Variants in ADAMTS6 observed in about 807,000 individuals in gnomAD.
The protein encoded by ADAMTS6 is A disintegrin and metalloproteinase with thrombospondin motifs 6.
In ADAMTS6, 23 loss-of-function variants were observed where a neutral mutation model predicts 144.3. That is an observed-to-expected ratio of 0.16 (90% CI 0.11 to 0.23). The LOEUF (loss-of-function observed/expected upper bound fraction) is 0.23, where lower values mean the gene tolerates loss of function less well. ADAMTS6 is among the 10% of genes least tolerant of loss of function. ADAMTS6 has a pLI of 1.00. For synonymous variants in ADAMTS6, 444 were observed against 457.5 expected, an observed-to-expected ratio of 0.97 and a Z score of 0.38; for missense variants, 999 against 1,379.6, an observed-to-expected ratio of 0.72 and a Z score of 4.37.
At chr5:65,341,375 A>C (rs1747805296) in intron 7 of ADAMTS6, among the ~76,000 whole-genome samples, 1 of 151,968 alleles carries the variant, frequency 6.6e-6, no homozygotes, top group South Asian at 2.1e-4. Flanking sequence ...AATGAAAATG[A>C]AACTAAAAAA....
chr5:65,168,431 A>G (rs1011366271), intron 24 of ADAMTS6, among the ~76,000 whole-genome samples: 6 of 148,092 alleles, frequency 4.1e-5, no homozygotes, highest in Middle Eastern at 3.2e-3. Context: ...GATAGGAAGA[A>G]TCAATATCGT....
chr5:65,306,012 C>T (rs756358758), intron 9 of ADAMTS6, among the ~76,000 whole-genome samples: 1 of 152,170 alleles, frequency 6.6e-6, no homozygotes, highest in Non-Finnish European at 1.5e-5. Flanking sequence ...TTATTACTTG[C>T]CATAAAAGTG....
At chr5:65,376,913 T>C (rs890136071) in intron 7 of ADAMTS6, among the ~76,000 whole-genome samples, 5 of 152,076 alleles carry the variant, frequency 3.3e-5, no homozygotes, top group Non-Finnish European at 5.9e-5. Context: ...GGTTTCCAAG[T>C]TATGTAAAAT....
intron 7 of ADAMTS6, among the ~76,000 whole-genome samples, chr5:65,449,514 G>A (rs1421135310): frequency 6.6e-6 from 1 of 152,048 alleles, no homozygotes; most frequent in East Asian, 1.9e-4. Context: ...TACTCATGAG[G>A]CTGAGGCAGG....
intron 24 of ADAMTS6, among the ~76,000 whole-genome samples, chr5:65,158,132 T>A (rs1685218795): frequency 2.6e-5 from 4 of 152,194 alleles, no homozygotes; most frequent in Admixed American, 2.6e-4. Context: ...AATTACGAAC[T>A]CTTTGAAGTG....
rs1468510167 is a variant in ADAMTS6 at position 65,249,558 on chromosome 5, A to C, written c.1831-7352T>G. On this transcript the variant is annotated intron_variant, in intron 14 of 24. Coordinates refer to ENST00000381055, the MANE Select transcript of ADAMTS6 (RefSeq NM_197941.4). The stretch of plus-strand genomic sequence containing the variant: ...TTTCCTGTTCTAAAGCCTTTTAAAT[A>C]AACTAAATAAACTTCTGCTCCAGCT... 2.0e-5 allele frequency among the ~76,000 whole-genome samples: 3 copies of C among 152,126 alleles called. No homozygotes were observed. In the East Asian group the frequency reaches 5.8e-4, roughly 29 times the overall value.
rs112458452 is a variant in ADAMTS6, at chr5:65,470,678, C to CTA, written c.462+98_462+99dup. The stretch of plus-strand genomic sequence containing the variant: ...ACTATTACCTTCCTACTTAAACTAC[C>CTA]TATATATATATATATTTTTTTTTTA... On this transcript the variant is annotated intron_variant, in intron 3 of 24. Coordinates refer to ENST00000381055, the MANE Select transcript of ADAMTS6 (RefSeq NM_197941.4). The CTA allele has an allele frequency of 5.5e-4, 516 of 939,282 alleles. 1 individual carries two copies. The highest frequency in any genetic ancestry group is 6.1e-4 in the Non-Finnish European group (430 of 708,352). The allele number at this position is 939,282 out of a possible 1,614,324, so 58.2% of individuals were successfully genotyped here. A position where few individuals can be genotyped will look rare whatever the true frequency, so the allele number is the denominator to read the frequency against.
intron 15 of ADAMTS6, among the ~76,000 whole-genome samples, chr5:65,229,846 A>G (rs1205856020): frequency 6.6e-6 from 1 of 152,184 alleles, no homozygotes; most frequent in Non-Finnish European, 1.5e-5. Flanking sequence ...GCTTATTTAA[A>G]GAAATAATGG....
intron 7 of ADAMTS6, among the ~76,000 whole-genome samples, chr5:65,401,053 C>T (rs1052445167): frequency 2.6e-5 from 4 of 152,166 alleles, no homozygotes; most frequent in African/African-American, 9.7e-5. Context: ...CTGATGCTTG[C>T]TCTGTCTCTT....
intron 9 of ADAMTS6, among the ~76,000 whole-genome samples, chr5:65,318,026 G>C (rs1745180862): frequency 7.9e-6 from 1 of 126,608 alleles, no homozygotes; most frequent in African/African-American, 2.8e-5. Context: ...ACTGAGCCGA[G>C]ATGGTGGCAC....
At chr5:65,394,096 C>T (rs903757294) in intron 7 of ADAMTS6, among the ~76,000 whole-genome samples, 1 of 152,144 alleles carries the variant, frequency 6.6e-6, no homozygotes, top group Non-Finnish European at 1.5e-5. Flanking sequence ...TTGACATTCT[C>T]CTCAAGAGGC....
rs1213915909 is a variant in ADAMTS6 at position 65,354,439 on chromosome 5, TTAGA to T, written c.1074-20358_1074-20355del. ...GTATATATACATTATCTAGATAGAC[TTAGA>T]TAATGTATATAAGCTGTGCATTCAT... On this transcript the variant is annotated intron_variant, in intron 7 of 24. Coordinates refer to ENST00000381055, the MANE Select transcript of ADAMTS6 (RefSeq NM_197941.4). Among the ~76,000 whole-genome samples the T allele has an allele frequency of 4.6e-5, 7 of 151,872 alleles. 1 individual carries two copies. Among genetic ancestry groups the T allele is most frequent in the Middle Eastern group, 6.8e-3 (2 of 294 alleles).
intron 9 of ADAMTS6, among the ~76,000 whole-genome samples, chr5:65,322,274 T>C (rs1436854689): frequency 6.6e-6 from 1 of 152,214 alleles, no homozygotes; most frequent in African/African-American, 2.4e-5. Flanking sequence ...ACTGTAGCCC[T>C]GTAGCACAGT....
intron 3 of ADAMTS6, among the ~76,000 whole-genome samples, chr5:65,465,627 C>T (rs1027876765): frequency 3.3e-5 from 5 of 152,208 alleles, no homozygotes; most frequent in African/African-American, 1.2e-4. Context: ...TCTTCAAACT[C>T]TTCTTCACTG....
chr5:65,196,487 C>T (rs550924770), intron 21 of ADAMTS6, among the ~76,000 whole-genome samples: 134 of 131,046 alleles, frequency 1.0e-3, no homozygotes, highest in Non-Finnish European at 1.7e-3. Flanking sequence ...CGCGCCACTG[C>T]ACTCCAGCCT....
intron 3 of ADAMTS6, among the ~76,000 whole-genome samples, chr5:65,466,471 T>C (rs897549763): frequency 5.3e-5 from 8 of 152,238 alleles, no homozygotes; most frequent in African/African-American, 1.9e-4. Context: ...TTTTTATTTA[T>C]TTATCTTTTT....
At chr5:65,254,183 T>C (rs1233114164) in intron 14 of ADAMTS6, among the ~76,000 whole-genome samples, 1 of 152,056 alleles carries the variant, frequency 6.6e-6, no homozygotes, top group African/African-American at 2.4e-5. Context: ...TCACCTTTTA[T>C]GATTTATTAT....
intron 7 of ADAMTS6, among the ~76,000 whole-genome samples, chr5:65,430,938 T>C (rs189169105): frequency 2.0e-5 from 3 of 152,296 alleles, no homozygotes; most frequent in South Asian, 4.1e-4. Flanking sequence ...CACAGTAAAA[T>C]TGTGTACTTA....
In ADAMTS6 at chr5:65,170,703, G is replaced by C; in HGVS notation, c.3158C>G (p.Ser1053Cys). 1 of 1,614,022 alleles carries C rather than the reference G, an allele frequency of 6.2e-7. No homozygotes were observed. Among genetic ancestry groups the C allele is most frequent in the Non-Finnish European group, 8.5e-7 (1 of 1,179,924 alleles). The change falls in exon 24 of 25, where the codon TCT (serine) becomes TGT (cysteine). Residue 1053 changes from serine (S) to cysteine (C), a missense_variant. Physicochemically the swap from Ser to Cys is moderately radical, Grantham distance 112. Transcript: ENST00000381055. ...CCGAACAGTTTCTAGACAGTCACTA[G>C]ATGCCTGTCCGGTGTAGGAGAGACA... ...VQCLSYTGQA[S>C]SDCLETVRPP...
Sources: gnomAD v4.1 joint callset for allele counts (sites outside exome capture counted in the v4.1 genomes callset) on GRCh38, gnomAD v4.1.1 for gene constraint, MANE v1.5 for transcripts, NCBI Gene and HGNC (gene_info 2026-07-23, HGNC 2026-07-21) for gene names.